The following AIFM1 variants were observed in gnomAD, a reference collection of about 807,000 sequenced individuals.
The protein encoded by AIFM1 is apoptosis inducing factor mitochondria associated 1.
AIFM1 carries 3 observed loss-of-function variants against 51.7 expected under a neutral mutation model. The ratio of observed to expected loss-of-function variants is 0.06; its 90% CI spans 0.03 to 0.15. The LOEUF is 0.15. Among genes scored for constraint, AIFM1 ranks in the 10% least tolerant of loss-of-function variants. AIFM1 has a pLI of 1.00. For synonymous variants in AIFM1, 178 were observed against 179.4 expected (o/e 0.99, Z 0.06); for missense variants, 330 against 476.8 (o/e 0.69, Z 2.87).
chrX:130,158,747 CATA>C (rs1350778127), intron 1 of AIFM1, among the ~76,000 whole-genome samples: 4 of 97,041 alleles, frequency 4.1e-5, no homozygotes, highest in Non-Finnish European at 6.1e-5. Flanking sequence ...AAAAAAATCT[CATA>C]ATGTTTTAAG....
chrX:130,165,438 G>A, intron 1 of AIFM1, 113 bp downstream of exon 1: 1 of 644,712 alleles, frequency 1.6e-6, no homozygotes, highest in East Asian at 3.5e-5. Flanking sequence ...TGGAATTCAC[G>A]TGACTATGTG....
chrX:130,156,435 T>C, intron 2 of AIFM1, 26 bp downstream of exon 2: 2 of 1,211,021 alleles, frequency 1.7e-6, no homozygotes, highest in African/African-American at 3.5e-5. Flanking sequence ...TGGCAGCTTC[T>C]TTATACACGC....
Position 130,156,576 on chromosome X carries a change from G to A in AIFM1, c.134C>T (p.Pro45Leu). ...PGNLFQRWHV[P>L]LELQMTRQMA... ...TTGTCTTGTCATCTGGAGTTCTAGA[G>A]GAACATGCCATCGCTGGAACAAGTT... The change falls in exon 2 of 16, where the codon CCT (proline) becomes CTT (leucine). Residue 45 changes from proline to leucine, a missense_variant. Coordinates refer to ENST00000287295, the MANE Select transcript of AIFM1 (RefSeq NM_004208.4). 8.3e-7 allele frequency: 1 copy of A among 1,211,288 alleles called. No individual in the cohort carries two copies. Among genetic ancestry groups the A allele is most frequent in the Non-Finnish European group, 1.1e-6 (1 of 895,315 alleles).
At chrX:130,155,403 G>A (rs1184545462) in intron 2 of AIFM1, 28 of 881,265 alleles carry the variant, frequency 3.2e-5, no homozygotes, top group Middle Eastern at 8.7e-4. Flanking sequence ...TGCTAAAAAA[G>A]GAAAAAGAAA....
chrX:130,129,879 G>T lies in AIFM1; in HGVS notation c.1770+91C>A. The T allele has an allele frequency of 5.6e-6, 6 of 1,069,122 alleles. No individual in the cohort carries two copies. In the South Asian group the frequency reaches 7.4e-5, roughly 13 times the overall value. 88.1% of individuals were successfully genotyped at this position (1,069,122 alleles called of 1,213,427 possible). A position where few individuals can be genotyped will look rare whatever the true frequency, so the allele number is the denominator to read the frequency against. ...CAGGCACAATTTGACCTGGCCGGGGGACAATGCATCTCAGGGCACCCGATG... is the reference window on the plus strand; with the variant it reads ...CAGGCACAATTTGACCTGGCCGGGGTACAATGCATCTCAGGGCACCCGATG... On this transcript the variant is annotated intron_variant, in intron 15 of 15. Coordinates refer to ENST00000287295, the MANE Select transcript of AIFM1 (RefSeq NM_004208.4).
intron 1 of AIFM1, among the ~76,000 whole-genome samples, chrX:130,164,312 AAGAGCAGTATGTCC>A (rs2031459532): frequency 8.9e-6 from 1 of 112,862 alleles, no homozygotes; most frequent in African/African-American, 3.2e-5. Flanking sequence ...TTTAAGTTCC[AAGAGCAGTATGTCC>A]CAGGACATAA....
chrX:130,138,440 GGGT>G (rs2030454966), intron 9 of AIFM1, among the ~76,000 whole-genome samples, 150 bp downstream of exon 9: 1 of 111,801 alleles, frequency 8.9e-6, no homozygotes, highest in Non-Finnish European at 1.9e-5. Context: ...ACTCCAGCCT[GGGT>G]GACAGAGCGA....
chrX:130,160,921 GA>G (rs1196919146), intron 1 of AIFM1, among the ~76,000 whole-genome samples: 2 of 106,059 alleles, frequency 1.9e-5, no homozygotes, highest in East Asian at 5.7e-4. Context: ...TAAATAAAAT[GA>G]AAAAATAAAC....
Position 130,149,585 on chromosome X carries a change from G to A in AIFM1, c.250-17C>T, listed in dbSNP as rs1431974532. ...CTTGTAGGCCTGCGGATCCAAACATGGAGAAAGTTTATTTCACCATACAGC... is the reference window on the plus strand; with the variant it reads ...CTTGTAGGCCTGCGGATCCAAACATAGAGAAAGTTTATTTCACCATACAGC... On this transcript the variant is annotated splice_polypyrimidine_tract_variant and intron_variant, in intron 2 of 15. Coordinates refer to ENST00000287295, the MANE Select transcript of AIFM1 (RefSeq NM_004208.4). 1 of 1,110,683 alleles carries A rather than the reference G, an allele frequency of 9.0e-7. No homozygotes were observed. Among genetic ancestry groups the A allele is most frequent in the Non-Finnish European group, 1.2e-6 (1 of 806,091 alleles). 91.5% of individuals were successfully genotyped at this position (1,110,683 alleles called of 1,213,427 possible). A position where few individuals can be genotyped will look rare whatever the true frequency, so the allele number is the denominator to read the frequency against.
intron 13 of AIFM1, 29 bp from the exon 14 acceptor site, chrX:130,131,828 A>G (rs965457939): frequency 5.8e-6 from 7 of 1,207,499 alleles, no homozygotes; most frequent in Non-Finnish European, 7.9e-6. Context: ...GTGTTCTGTC[A>G]AGGGACTGTA....
rs763221857 is a variant in AIFM1, at chrX:130,133,681, T to G, written c.1306-226A>C. On this transcript the variant is annotated intron_variant, in intron 12 of 15. Coordinates refer to ENST00000287295, the MANE Select transcript of AIFM1 (RefSeq NM_004208.4). ...TCTCACTCTATTGCCTGGGCTGGAGTGCAGTGGTGCGATCATGGCTCACCA... is the reference window on the plus strand; with the variant it reads ...TCTCACTCTATTGCCTGGGCTGGAGGGCAGTGGTGCGATCATGGCTCACCA... Among the ~76,000 whole-genome samples, 3 of 109,268 alleles carry G rather than the reference T, an allele frequency of 2.7e-5. No individual in the cohort carries two copies. The East Asian group carries it at 8.6e-4, about 31-fold the overall frequency. The allele number at this position is 109,268 out of a possible 115,157, so 94.9% of individuals were successfully genotyped here. A position where few individuals can be genotyped will look rare whatever the true frequency, so the allele number is the denominator to read the frequency against.
intron 2 of AIFM1, 71 bp downstream of exon 2, chrX:130,156,390 G>T: frequency 8.5e-7 from 1 of 1,181,878 alleles, no homozygotes. Flanking sequence ...AAGTTTTAAA[G>T]CAGAATACTA....
Position 130,137,173 on chromosome X carries a change from C to T in AIFM1, c.980G>A (p.Gly327Asp). 8.3e-7 allele frequency: 1 copy of T among 1,211,192 alleles called. No homozygotes were observed. Among genetic ancestry groups the T allele is most frequent in the Non-Finnish European group, 1.1e-6 (1 of 895,439 alleles). Residue 327 changes from glycine to aspartate, a missense_variant, in exon 10 of 16, where the codon GGC becomes GAC. Gly to Asp is a moderately conservative substitution (Grantham distance 94, BLOSUM62 -1). This residue lies in a region of AIFM1 where 152 missense variants were observed against 292.8 expected (regional missense o/e 0.52). Transcript: ENST00000287295. ...CALGRKARAL[G>D]TEVIQLFPEK... ...GGGGAAGAGTTGAATCACTTCTGTG[C>T]CCAAGGCTCGAGCTGGGAAGAAGAA...
chrX:130,132,764 T>TTTTA (rs2030151527), intron 13 of AIFM1, among the ~76,000 whole-genome samples: 1 of 83,683 alleles, frequency 1.2e-5, no homozygotes, highest in African/African-American at 5.0e-5. Context: ...TTTTTTTTTT[T>TTTTA]GAGACGGAGT....
chrX:130,131,878 T>A, intron 13 of AIFM1, 79 bp from the exon 14 acceptor site: 2 of 400,176 alleles, frequency 5.0e-6, no homozygotes, highest in Non-Finnish European at 7.3e-6. Context: ...TGACACTGCA[T>A]TTTTTTTTTT....
intron 2 of AIFM1, among the ~76,000 whole-genome samples, chrX:130,151,601 G>T (rs2030982175): frequency 8.9e-6 from 1 of 112,255 alleles, no homozygotes; most frequent in Admixed American, 9.4e-5. Flanking sequence ...TATGGGAAAA[G>T]ACAATAGTTA....
At chrX:130,136,254 G>A (rs1021423633) in intron 11 of AIFM1, 69 bp from the exon 12 acceptor site, 54 of 1,116,597 alleles carry the variant, frequency 4.8e-5, no homozygotes, top group Non-Finnish European at 6.1e-5. Context: ...CGTAACAATG[G>A]CCCTTCATGC....
At chrX:130,137,689 C>A (rs2030405037) in intron 9 of AIFM1, 1 of 1,077,386 alleles carries the variant, frequency 9.3e-7, no homozygotes, top group Admixed American at 4.0e-5. Context: ...TTGCCCTTAT[C>A]ATCTTCATAA....
At position 130,138,186 on chromosome X, in the gene AIFM1, C is replaced by T. The variant is rs2030430210; in HGVS notation, c.967+407G>A. 5 of 168,454 alleles carry T rather than the reference C, an allele frequency of 3.0e-5. No individual in the cohort carries two copies. In the South Asian group the frequency reaches 6.0e-4, roughly 20 times the overall value. The allele number at this position is 168,454 out of a possible 1,213,427, so 13.9% of individuals were successfully genotyped here. On this transcript the variant is annotated intron_variant, in intron 9 of 15. Transcript: ENST00000287295. The stretch of plus-strand genomic sequence containing the variant: ...TTTCACTATATAAACCTTAATTAGG[C>T]TGGGTGTGGTGGCTCACGCCTGTAA...
Sources: allele counts gnomAD v4.1 joint callset (sites outside exome capture counted in the v4.1 genomes callset), GRCh38; gene constraint gnomAD v4.1.1; regional missense constraint gnomAD v4.1.1; transcripts MANE v1.5; gene names NCBI Gene and HGNC (gene_info 2026-07-23, HGNC 2026-07-21).